Variants in TTC28 observed in about 807,000 individuals in gnomAD.
TTC28 encodes tetratricopeptide repeat protein 28.
Under a neutral mutation model 198.0 loss-of-function variants are expected in TTC28, and 61 were observed. That is an observed-to-expected ratio of 0.31 (90% confidence interval 0.25 to 0.38). The LOEUF is 0.38. Ranked by LOEUF, TTC28 falls within the 10% of genes least tolerant of loss-of-function variation. The pLI, the probability that TTC28 is intolerant of heterozygous loss-of-function variation, is 1.00. For missense variants in TTC28, 2,678 were observed against 3,164.0 expected, an observed-to-expected ratio of 0.85 and a Z score of 3.69; for synonymous variants, 1,171 against 1,297.8, an observed-to-expected ratio of 0.90 and a Z score of 2.10.
At chr22:28,080,266 G>T (rs1941299544) in intron 12 of TTC28, among the ~76,000 whole-genome samples, 1 of 152,138 alleles carries the variant, frequency 6.6e-6, no homozygotes, top group Non-Finnish European at 1.5e-5. Flanking sequence ...TGTCCATACT[G>T]TTTTCTATAG....
At chr22:28,535,699 C>T (rs1194069775) in intron 2 of TTC28, among the ~76,000 whole-genome samples, 2 of 151,992 alleles carry the variant, frequency 1.3e-5, no homozygotes, top group Non-Finnish European at 2.9e-5. Flanking sequence ...TCCCCCTTGC[C>T]AATCTTGTGA....
rs982308741 is a variant in TTC28, at chr22:28,163,293, T to C, written c.1240A>G (p.Met414Val). 136 of 1,551,884 alleles carry C rather than the reference T, an allele frequency of 8.8e-5. No homozygotes were observed. Among genetic ancestry groups the C allele is most frequent in the Middle Eastern group, 3.3e-4 (2 of 6,014 alleles). The change falls in exon 6 of 23, where the codon ATG becomes GTG. Residue 414 changes from methionine (M) to valine (V), a missense_variant. Met to Val is a conservative substitution (Grantham distance 21). Coordinates refer to ENST00000397906, the MANE Select transcript of TTC28 (RefSeq NM_001145418.2). Reference protein sequence around the residue: ...YHYRRNFDKAMSYHNYVLELA... With the variant: ...YHYRRNFDKAVSYHNYVLELA... The stretch of plus-strand genomic sequence containing the variant: ...TCCAGGACATAGTTATGGTAAGACA[T>C]GGCCTTGTCAAAGTTCCTCCGGTAG...
intron 12 of TTC28, among the ~76,000 whole-genome samples, chr22:28,067,702 A>T (rs1412367920): frequency 6.6e-6 from 1 of 152,208 alleles, no homozygotes; most frequent in Admixed American, 6.5e-5. Flanking sequence ...TAAATGGGTT[A>T]AAAATGAATG....
At chr22:28,001,078 C>T (rs1361736476) in intron 15 of TTC28, 1 of 275,692 alleles carries the variant, frequency 3.6e-6, no homozygotes, top group African/African-American at 2.1e-5. Flanking sequence ...AGGCCTCAAG[C>T]CTTGCTGTGT....
At chr22:28,200,977 C>G (rs1188796439) in intron 5 of TTC28, among the ~76,000 whole-genome samples, 1 of 152,092 alleles carries the variant, frequency 6.6e-6, no homozygotes, top group African/African-American at 2.4e-5. Context: ...CTTGTTTTCC[C>G]ATTTATAAAG....
chr22:28,307,903 A>T (rs953992032), intron 2 of TTC28, among the ~76,000 whole-genome samples: 36 of 152,128 alleles, frequency 2.4e-4, no homozygotes, highest in African/African-American at 8.4e-4. Context: ...TATAATTTAA[A>T]AATTTTATAT....
At chr22:28,464,162 T>A (rs1464066062) in intron 2 of TTC28, among the ~76,000 whole-genome samples, 1 of 152,132 alleles carries the variant, frequency 6.6e-6, no homozygotes, top group East Asian at 1.9e-4. Flanking sequence ...TTGGAAGAGC[T>A]AGAGACCCAG....
intron 2 of TTC28, among the ~76,000 whole-genome samples, chr22:28,363,009 G>A (rs1308572269): frequency 2.0e-5 from 3 of 152,160 alleles, no homozygotes; most frequent in South Asian, 4.1e-4. Context: ...ATTTTCTGAG[G>A]AGAAATTCAA....
intron 2 of TTC28, among the ~76,000 whole-genome samples, chr22:28,523,845 T>C (rs894032206): frequency 3.3e-5 from 5 of 152,206 alleles, no homozygotes; most frequent in African/African-American, 1.2e-4. Context: ...GCAATAATAA[T>C]ACGTTTTATA....
chr22:28,136,225 G>C (rs1041919566), intron 6 of TTC28, among the ~76,000 whole-genome samples: 1 of 152,074 alleles, frequency 6.6e-6, no homozygotes, highest in Non-Finnish European at 1.5e-5. Flanking sequence ...GCTCATTCTA[G>C]CCTGGAACTC....
At chr22:28,547,150 A>C (rs1358358284) in intron 2 of TTC28, among the ~76,000 whole-genome samples, 1 of 152,150 alleles carries the variant, frequency 6.6e-6, no homozygotes, top group Non-Finnish European at 1.5e-5. Flanking sequence ...TAATATTTGC[A>C]TGTCAATTAT....
chr22:28,437,774 G>A (rs574590468), intron 2 of TTC28, among the ~76,000 whole-genome samples: 1 of 152,000 alleles, frequency 6.6e-6, no homozygotes. Context: ...TGTTTTTTTG[G>A]TAGAGATGAG....
chr22:28,158,480 G>A (rs556518195), intron 6 of TTC28, among the ~76,000 whole-genome samples: 1 of 152,084 alleles, frequency 6.6e-6, no homozygotes, highest in East Asian at 1.9e-4. Context: ...TAAGAAAACT[G>A]GAATAATTTG....
At chr22:28,164,200 T>C (rs1262714430) in intron 5 of TTC28, among the ~76,000 whole-genome samples, 1 of 152,202 alleles carries the variant, frequency 6.6e-6, no homozygotes, top group African/African-American at 2.4e-5. Context: ...CCTGCTTCTG[T>C]AGACTCCACC....
At chr22:28,183,924 T>A (rs1007091314) in intron 5 of TTC28, among the ~76,000 whole-genome samples, 2 of 152,216 alleles carry the variant, frequency 1.3e-5, no homozygotes, top group Non-Finnish European at 2.9e-5. Context: ...GCAAATTCAA[T>A]GGCAAACTTA....
chr22:28,075,824 C>A (rs1941148919), intron 12 of TTC28, among the ~76,000 whole-genome samples: 1 of 152,176 alleles, frequency 6.6e-6, no homozygotes, highest in Non-Finnish European at 1.5e-5. Context: ...CTCAAGTAGG[C>A]AGAGCGAGGC....
intron 13 of TTC28, among the ~76,000 whole-genome samples, chr22:28,014,888 A>C (rs573497242): frequency 2.6e-5 from 4 of 152,286 alleles, no homozygotes; most frequent in Admixed American, 2.6e-4. Context: ...GCTCTGTGGC[A>C]AGGCAGTAGA....
chr22:28,544,667 T>C (rs2049497029), intron 2 of TTC28, among the ~76,000 whole-genome samples: 1 of 152,072 alleles, frequency 6.6e-6, no homozygotes, highest in Non-Finnish European at 1.5e-5. Context: ...AAACAGGATG[T>C]GATAAAGAAG....
At chr22:28,289,603 C>T (rs1056530581) in intron 5 of TTC28, among the ~76,000 whole-genome samples, 1 of 152,310 alleles carries the variant, frequency 6.6e-6, no homozygotes, top group East Asian at 1.9e-4. Context: ...GGGGCTGAGG[C>T]AGGAGGACTG....
Sources: allele counts gnomAD v4.1 joint callset (sites outside exome capture counted in the v4.1 genomes callset), GRCh38; gene constraint gnomAD v4.1.1; transcripts MANE v1.5; gene names NCBI Gene and HGNC (gene_info 2026-07-23, HGNC 2026-07-21).